The following GRIN2B variants were observed in gnomAD, a reference collection of about 807,000 sequenced individuals.
GRIN2B encodes the protein glutamate ionotropic receptor NMDA type subunit 2B.
GRIN2B carries 5 observed loss-of-function variants against 114.5 expected under a neutral mutation model. The ratio of observed to expected loss-of-function variants is 0.04; its 90% CI spans 0.02 to 0.09. GRIN2B has a LOEUF of 0.09. Among genes scored for constraint, GRIN2B ranks in the 10% least tolerant of loss-of-function variants. GRIN2B has a pLI of 1.00. For synonymous variants in GRIN2B, 787 were observed against 745.1 expected (o/e 1.06, Z -0.92); for missense variants, 1,108 against 1,943.5 (o/e 0.57, Z 8.08).
At chr12:13,597,108 A>G (rs999031829) in intron 10 of GRIN2B, among the ~76,000 whole-genome samples, 2 of 152,206 alleles carry the variant, frequency 1.3e-5, no homozygotes, top group Admixed American at 6.5e-5. Context: ...TAATCCTTAG[A>G]TGACTCTCCT....
chr12:13,767,118 G>A (rs1450418007), intron 3 of GRIN2B, among the ~76,000 whole-genome samples: 1 of 152,062 alleles, frequency 6.6e-6, no homozygotes, highest in Non-Finnish European at 1.5e-5. Context: ...AAATTAGCCG[G>A]GCGTGGTGGC....
At chr12:13,899,050 C>T (rs1866400894) in intron 2 of GRIN2B, among the ~76,000 whole-genome samples, 1 of 152,112 alleles carries the variant, frequency 6.6e-6, no homozygotes, top group Admixed American at 6.6e-5. Flanking sequence ...GATGAGAAAA[C>T]TTGAAATTCT....
chr12:13,780,874 G>C lies in GRIN2B; in HGVS notation c.412-26959C>G, dbSNP rs562446183. Among the ~76,000 whole-genome samples the C allele has an allele frequency of 3.0e-4, 45 of 149,070 alleles. No individual in the cohort carries two copies. The East Asian group carries it at 5.9e-3, about 19-fold the overall frequency. ...AAGCCTTTACAGAGATGTTTGCATA[G>C]TTAAGTGGCATGGTTTATAAAACTT... is the stretch of plus-strand genomic sequence containing the variant. On this transcript the variant is annotated intron_variant, in intron 3 of 13. Transcript: ENST00000609686.
At chr12:13,677,109 T>C (rs765687) in intron 4 of GRIN2B, among the ~76,000 whole-genome samples, 42,627 of 152,086 alleles carry the variant, frequency 0.28, 6,313 homozygotes, top group African/African-American at 0.34. Flanking sequence ...AATTAATGTC[T>C]TTTTACCATA....
chr12:13,825,402 C>T (rs1865013627), intron 3 of GRIN2B, among the ~76,000 whole-genome samples: 1 of 149,144 alleles, frequency 6.7e-6, no homozygotes, highest in Non-Finnish European at 1.5e-5. Context: ...ATTCTCTCTC[C>T]TGTTGTTTGA....
At chr12:13,748,730 A>G (rs114834390) in intron 4 of GRIN2B, among the ~76,000 whole-genome samples, 1 of 152,350 alleles carries the variant, frequency 6.6e-6, no homozygotes, top group African/African-American at 2.4e-5. Flanking sequence ...ATATTTATTA[A>G]TAAGGCACAA....
intron 2 of GRIN2B, among the ~76,000 whole-genome samples, chr12:13,979,665 T>C (rs1464962583): frequency 6.6e-6 from 1 of 152,082 alleles, no homozygotes; most frequent in Non-Finnish European, 1.5e-5. Flanking sequence ...TACATTCCCC[T>C]GATGCCATCC....
intron 3 of GRIN2B, among the ~76,000 whole-genome samples, chr12:13,798,497 T>C (rs74067322): frequency 0.037 from 5,637 of 152,266 alleles, 134 homozygotes; most frequent in African/African-American, 0.063. Context: ...TATAGGGTAG[T>C]ATGAGTACAA....
chr12:13,643,086 G>T (rs1314925310), intron 5 of GRIN2B, among the ~76,000 whole-genome samples: 1 of 152,136 alleles, frequency 6.6e-6, no homozygotes, highest in Non-Finnish European at 1.5e-5. Flanking sequence ...GAAGACGAAA[G>T]TTATTCTAAA....
intron 2 of GRIN2B, among the ~76,000 whole-genome samples, chr12:13,946,401 T>C (rs1177684777): frequency 6.6e-6 from 1 of 152,114 alleles, no homozygotes; most frequent in African/African-American, 2.4e-5. Context: ...TTTTAAGTTA[T>C]ACATTTGATA....
intron 2 of GRIN2B, among the ~76,000 whole-genome samples, chr12:13,959,971 C>A (rs936181512): frequency 6.6e-6 from 1 of 151,994 alleles, no homozygotes; most frequent in African/African-American, 2.4e-5. Flanking sequence ...ACAGAATGGA[C>A]GCTTGATTGA....
intron 3 of GRIN2B, among the ~76,000 whole-genome samples, chr12:13,817,447 G>A (rs1376674567): frequency 1.3e-5 from 2 of 152,128 alleles, no homozygotes; most frequent in African/African-American, 4.8e-5. Context: ...ACGAGCCACA[G>A]GATTGTAGTT....
At chr12:13,739,411 G>GAAAAAAAAA (rs1491389331) in intron 4 of GRIN2B, among the ~76,000 whole-genome samples, 3 of 96,562 alleles carry the variant, frequency 3.1e-5, no homozygotes, top group South Asian at 3.6e-4. Flanking sequence ...AAGAAGAAAA[G>GAAAAAAAAA]GAAAAAAAAA....
intron 8 of GRIN2B, among the ~76,000 whole-genome samples, chr12:13,614,298 T>C (rs1339333105): frequency 1.3e-5 from 2 of 152,144 alleles, no homozygotes; most frequent in Non-Finnish European, 2.9e-5. Flanking sequence ...ATTTAAAAAA[T>C]GTTGATGTGC....
chr12:13,799,123 A>G (rs1864464069), intron 3 of GRIN2B, among the ~76,000 whole-genome samples: 1 of 152,134 alleles, frequency 6.6e-6, no homozygotes, highest in African/African-American at 2.4e-5. Flanking sequence ...CATCCCCTGG[A>G]AGCTGTTCTG....
intron 3 of GRIN2B, among the ~76,000 whole-genome samples, chr12:13,795,075 C>G (rs1057172446): frequency 6.6e-6 from 1 of 152,168 alleles, no homozygotes; most frequent in African/African-American, 2.4e-5. Flanking sequence ...TCTGCTCACT[C>G]ATGAGAATTC....
rs538222498 is a variant in GRIN2B, at chr12:13,770,180, C to G, written c.412-16265G>C. Among the ~76,000 whole-genome samples, 3 of 152,308 alleles carry G rather than the reference C, an allele frequency of 2.0e-5. No individual in the cohort carries two copies. The South Asian group carries it at 6.2e-4, about 32-fold the overall frequency. ...TCATTGCACATAAGGCTGATCTGCA[C>G]TTTGTTCAAATCACATCATTCCCCA... On this transcript the variant is annotated intron_variant, in intron 3 of 13. Coordinates refer to ENST00000609686, the MANE Select transcript of GRIN2B (RefSeq NM_000834.5).
chr12:13,937,100 G>GAA (rs1867143027), intron 2 of GRIN2B, among the ~76,000 whole-genome samples: 2 of 146,202 alleles, frequency 1.4e-5, no homozygotes, highest in African/African-American at 5.0e-5. Flanking sequence ...AAAAAAAGGG[G>GAA]GGGGGGAAGA....
At chr12:13,741,263 C>G (rs941521325) in intron 4 of GRIN2B, among the ~76,000 whole-genome samples, 2 of 152,116 alleles carry the variant, frequency 1.3e-5, no homozygotes, top group African/African-American at 2.4e-5. Flanking sequence ...AACTCCTGAC[C>G]TCATGATCCA....
Sources: gnomAD v4.1 joint callset for allele counts (sites outside exome capture counted in the v4.1 genomes callset) on GRCh38, gnomAD v4.1.1 for gene constraint, MANE v1.5 for transcripts, NCBI Gene and HGNC (gene_info 2026-07-23, HGNC 2026-07-21) for gene names.